FAM241A: variants seen among roughly 807,000 people sequenced by gnomAD.
FAM241A encodes family with sequence similarity 241 member A, also known as uncharacterized protein FAM241A.
FAM241A carries 7 observed loss-of-function variants against 12.2 expected under a neutral mutation model. The ratio of observed to expected loss-of-function variants is 0.58; its 90% CI spans 0.33 to 1.08. The LOEUF (loss-of-function observed/expected upper bound fraction) is 1.08. Among genes scored for constraint, FAM241A ranks in the 50% least tolerant of loss-of-function variants. FAM241A has a pLI of 0.04. For synonymous variants in FAM241A, 74 were observed against 68.2 expected (o/e 1.08, Z -0.42); for missense variants, 161 against 169.7 (o/e 0.95, Z 0.29).
chr4:112,191,002 C>T lies in FAM241A; in HGVS notation c.*4064C>T, dbSNP rs1724156023. ...GAGCACTGTACAGAATTTAAGACTC[C>T]TACATTCAATTGCTTGCCCAATATT... On this transcript the variant is annotated 3_prime_UTR_variant, in exon 2 of 2. Transcript: ENST00000309733. 6.6e-6 allele frequency: 1 copy of T among 152,174 alleles called. No individual in the cohort carries two copies. The highest frequency in any genetic ancestry group is 1.9e-4 in the East Asian group (1 of 5,198). 9.4% of individuals were successfully genotyped at this position (152,174 alleles called of 1,614,324 possible).
chr4:112,152,809 C>T (rs1184325772), intron 1 of FAM241A, among the ~76,000 whole-genome samples: 1 of 152,094 alleles, frequency 6.6e-6, no homozygotes, highest in Non-Finnish European at 1.5e-5. Context: ...TTTATTAGCC[C>T]CCGTGATCCT....
chr4:112,149,614 A>C (rs958909196), intron 1 of FAM241A, among the ~76,000 whole-genome samples: 1 of 152,244 alleles, frequency 6.6e-6, no homozygotes, highest in Non-Finnish European at 1.5e-5. Context: ...AATTTAATTC[A>C]AGAAAGGTTG....
rs896581924 is a variant in FAM241A at position 112,193,384 on chromosome 4, G to A, written c.*6446G>A. 21 of 151,840 alleles carry A rather than the reference G, an allele frequency of 1.4e-4. No individual in the cohort carries two copies. Among genetic ancestry groups the A allele is most frequent in the Admixed American group, 8.5e-4 (13 of 15,252 alleles). 9.4% of individuals were successfully genotyped at this position (151,840 alleles called of 1,614,324 possible). On this transcript the variant is annotated 3_prime_UTR_variant, in exon 2 of 2. Transcript: ENST00000309733. ...CCATTTGTCAATTTTGTCTTTTGTT[G>A]CCATTGCTTTTGGTGTTTTAGACAT...
chr4:112,187,019 C>A lies in FAM241A; in HGVS notation c.*81C>A, dbSNP rs572504068. The A allele has an allele frequency of 6.7e-7, 1 of 1,497,750 alleles. No individual in the cohort carries two copies. Among genetic ancestry groups the A allele is most frequent in the East Asian group, 2.3e-5 (1 of 43,916 alleles). The allele number at this position is 1,497,750 out of a possible 1,614,324, so 92.8% of individuals were successfully genotyped here. On this transcript the variant is annotated 3_prime_UTR_variant, in exon 2 of 2. Transcript: ENST00000309733. Reference sequence around the variant, plus strand: ...GTTATATATTTCACTTTTTGACAACCGAAAAAGTTTGCCTTGTTTCAAATC... The same window carrying A: ...GTTATATATTTCACTTTTTGACAACAGAAAAAGTTTGCCTTGTTTCAAATC...
At chr4:112,176,379 C>T (rs528432344) in intron 1 of FAM241A, among the ~76,000 whole-genome samples, 1 of 152,282 alleles carries the variant, frequency 6.6e-6, no homozygotes, top group South Asian at 2.1e-4. Context: ...TTTCTTATCA[C>T]AACAACTCTA....
At chr4:112,184,566 T>C (rs908916607) in intron 1 of FAM241A, among the ~76,000 whole-genome samples, 1 of 152,180 alleles carries the variant, frequency 6.6e-6, no homozygotes, top group Admixed American at 6.5e-5. Context: ...CAAAAGTAAA[T>C]CTGGCTTGAA....
At position 112,187,067 on chromosome 4, in the gene FAM241A, A is replaced by T. The variant is rs1034291316; in HGVS notation, c.*129A>T. ...ATCATGTGCTGGCTGTTTTGTAAGT[A>T]AATTTATACATGGATGTCACTTAAA... On this transcript the variant is annotated 3_prime_UTR_variant, in exon 2 of 2. Transcript: ENST00000309733. 3.1e-6 allele frequency: 3 copies of T among 959,206 alleles called. No individual in the cohort carries two copies. In the African/African-American group the frequency reaches 4.9e-5, roughly 16 times the overall value. The allele number at this position is 959,206 out of a possible 1,614,324, so 59.4% of individuals were successfully genotyped here.
intron 1 of FAM241A, among the ~76,000 whole-genome samples, chr4:112,156,250 C>T (rs1246793086): frequency 1.3e-5 from 2 of 152,134 alleles, no homozygotes; most frequent in African/African-American, 4.8e-5. Context: ...GGTCATTTGC[C>T]TGGAACTCTT....
Position 112,145,468 on chromosome 4 carries a change from T to C in FAM241A, c.-113T>C. On this transcript the variant is annotated 5_prime_UTR_variant, in exon 1 of 2. Coordinates refer to ENST00000309733, the MANE Select transcript of FAM241A (RefSeq NM_152400.3). ...CGGCGGGGCGCGCTCCGGCGGCTCC[T>C]GTCAGCGGCGGGTGCGGCGGATCCC... 5 of 1,076,746 alleles carry C rather than the reference T, an allele frequency of 4.6e-6. No homozygotes were observed. Among genetic ancestry groups the C allele is most frequent in the South Asian group, 4.6e-5 (1 of 21,916 alleles). The allele number at this position is 1,076,746 out of a possible 1,614,324, so 66.7% of individuals were successfully genotyped here. A position where few individuals can be genotyped will look rare whatever the true frequency, so the allele number is the denominator to read the frequency against.
chr4:112,148,349 A>G (rs922690777), intron 1 of FAM241A, among the ~76,000 whole-genome samples: 1 of 152,114 alleles, frequency 6.6e-6, no homozygotes, highest in Non-Finnish European at 1.5e-5. Context: ...TATTTCATAT[A>G]TATATGAAAT....
rs1030076438 is a variant in FAM241A, at chr4:112,191,998, C to T, written c.*5060C>T. On this transcript the variant is annotated 3_prime_UTR_variant, in exon 2 of 2. Coordinates refer to ENST00000309733, the MANE Select transcript of FAM241A (RefSeq NM_152400.3). ...CATCTACTCATGGTCTTCATATAGA[C>T]CACTAACAAAAAAGATCTAGAGCTG... is the stretch of plus-strand genomic sequence containing the variant. The T allele has an allele frequency of 6.6e-5, 10 of 152,004 alleles. No homozygotes were observed. Among genetic ancestry groups the T allele is most frequent in the Non-Finnish European group, 1.3e-4 (9 of 68,006 alleles). 9.4% of individuals were successfully genotyped at this position (152,004 alleles called of 1,614,324 possible). A position where few individuals can be genotyped will look rare whatever the true frequency, so the allele number is the denominator to read the frequency against.
intron 1 of FAM241A, among the ~76,000 whole-genome samples, chr4:112,174,558 G>A (rs1207094006): frequency 4.6e-5 from 7 of 152,308 alleles, no homozygotes; most frequent in South Asian, 2.1e-4. Context: ...ATAGGAGGCT[G>A]ATAGCTCCAT....
intron 1 of FAM241A, among the ~76,000 whole-genome samples, chr4:112,154,897 G>A (rs1472173046): frequency 1.3e-5 from 2 of 152,046 alleles, no homozygotes; most frequent in African/African-American, 4.8e-5. Context: ...AGCCGGGTAT[G>A]GTGGGGAATA....
At chr4:112,171,350 G>A (rs1009843874) in intron 1 of FAM241A, 15 of 755,710 alleles carry the variant, frequency 2.0e-5, no homozygotes, top group Non-Finnish European at 3.4e-5. Flanking sequence ...ACAAGAAGCA[G>A]AGTGACTATG....
rs772286308 is a variant in FAM241A at position 112,187,134 on chromosome 4, A to G, written c.*196A>G. 209 of 595,870 alleles carry G rather than the reference A, an allele frequency of 3.5e-4. 1 individual carries two copies. Among genetic ancestry groups the G allele is most frequent in the Admixed American group, 1.3e-3 (42 of 31,162 alleles). 36.9% of individuals were successfully genotyped at this position (595,870 alleles called of 1,614,324 possible). On this transcript the variant is annotated 3_prime_UTR_variant, in exon 2 of 2. Coordinates refer to ENST00000309733, the MANE Select transcript of FAM241A (RefSeq NM_152400.3). ...TAACAGGGTTGAATATATATTTTGA[A>G]TATACATTAGCTTATTCAAAACTCT...
In FAM241A at chr4:112,162,261, G is replaced by A. The variant is rs187218852; in HGVS notation, c.153+16528G>A. Among the ~76,000 whole-genome samples, 203 of 152,310 alleles carry A rather than the reference G, an allele frequency of 1.3e-3. 1 individual carries two copies. Among genetic ancestry groups the A allele is most frequent in the Non-Finnish European group, 2.3e-3 (158 of 68,024 alleles). On this transcript the variant is annotated intron_variant, in intron 1 of 1. Coordinates refer to ENST00000309733, the MANE Select transcript of FAM241A (RefSeq NM_152400.3). Reference sequence around the variant, plus strand: ...TTGAAAACTGGCGCAGGACAGGGATGCCCTCTCTCACCACTCCTATTCAAC... The same window carrying A: ...TTGAAAACTGGCGCAGGACAGGGATACCCTCTCTCACCACTCCTATTCAAC...
At chr4:112,183,904 A>G (rs989582531) in intron 1 of FAM241A, among the ~76,000 whole-genome samples, 1 of 152,110 alleles carries the variant, frequency 6.6e-6, no homozygotes, top group African/African-American at 2.4e-5. Flanking sequence ...GTATATTGTT[A>G]TGGATCATAT....
At chr4:112,155,108 A>AT (rs1723325977) in intron 1 of FAM241A, among the ~76,000 whole-genome samples, 1 of 152,054 alleles carries the variant, frequency 6.6e-6, no homozygotes, top group Admixed American at 6.5e-5. Flanking sequence ...CCACAGTTAT[A>AT]TATCATTAGT....
chr4:112,186,169 T>G (rs1724035206), intron 1 of FAM241A, among the ~76,000 whole-genome samples: 1 of 152,162 alleles, frequency 6.6e-6, no homozygotes, highest in Non-Finnish European at 1.5e-5. Context: ...AAATTTGTAT[T>G]AAAACTATTT....
Sources: allele counts gnomAD v4.1 joint callset (sites outside exome capture counted in the v4.1 genomes callset), GRCh38; gene constraint gnomAD v4.1.1; transcripts MANE v1.5; gene names NCBI Gene and HGNC (gene_info 2026-07-23, HGNC 2026-07-21).